CEP112: variants seen among roughly 807,000 people sequenced by gnomAD.
CEP112 encodes the protein centrosomal protein of 112 kDa.
A neutral mutation model predicts 153.0 loss-of-function variants in CEP112; 127 were observed. That is an observed-to-expected ratio of 0.83 (90% CI 0.72 to 0.96). The LOEUF is 0.96. CEP112 is among the 40% of genes least tolerant of loss of function. The pLI, the probability that CEP112 is intolerant of heterozygous loss-of-function variation, is 0.00. For synonymous variants in CEP112, 358 were observed against 374.4 expected (o/e 0.96, Z 0.51); for missense variants, 1,089 against 1,101.2 (o/e 0.99, Z 0.16).
intron 6 of CEP112, among the ~76,000 whole-genome samples, chr17:66,107,191 T>A (rs763421703): frequency 2.0e-5 from 3 of 152,082 alleles, no homozygotes; most frequent in African/African-American, 7.2e-5. Flanking sequence ...CATATCTATA[T>A]TGAACAGGAA....
intron 4 of CEP112, among the ~76,000 whole-genome samples, chr17:66,139,930 A>G (rs1458736314): frequency 2.6e-5 from 4 of 152,160 alleles, no homozygotes; most frequent in Admixed American, 1.3e-4. Context: ...TTCATTTTAC[A>G]AAGCCAGCAT....
At chr17:65,867,024 G>A (rs755769707) in intron 20 of CEP112, among the ~76,000 whole-genome samples, 14 of 151,972 alleles carry the variant, frequency 9.2e-5, no homozygotes, top group Non-Finnish European at 1.9e-4. Context: ...AAGAGCTGCA[G>A]CCCTTCAGGG....
At chr17:66,164,895 T>A (rs1296887799) in intron 4 of CEP112, among the ~76,000 whole-genome samples, 1 of 129,744 alleles carries the variant, frequency 7.7e-6, no homozygotes, top group Non-Finnish European at 1.8e-5. Flanking sequence ...TATGTGTGTG[T>A]GTGTGTGTGT....
chr17:66,165,366 C>T (rs781098345), intron 4 of CEP112, among the ~76,000 whole-genome samples: 58 of 152,188 alleles, frequency 3.8e-4, no homozygotes, highest in Non-Finnish European at 8.1e-4. Context: ...TGGACAGTGC[C>T]GCCTATAGAA....
chr17:65,744,467 G>A (rs562065826), intron 22 of CEP112, among the ~76,000 whole-genome samples: 4 of 151,734 alleles, frequency 2.6e-5, no homozygotes, highest in Non-Finnish European at 2.9e-5. Context: ...GACTGGTCTC[G>A]AATTCCTGAC....
At chr17:66,164,578 G>A (rs2071854626) in intron 4 of CEP112, among the ~76,000 whole-genome samples, 1 of 121,260 alleles carries the variant, frequency 8.2e-6, no homozygotes, top group Non-Finnish European at 1.7e-5. Flanking sequence ...AAAAAAAATG[G>A]CCAGCATGGT....
chr17:65,731,594 A>G (rs2050510987), intron 23 of CEP112, among the ~76,000 whole-genome samples: 1 of 152,194 alleles, frequency 6.6e-6, no homozygotes, highest in South Asian at 2.1e-4. Flanking sequence ...ACTTGCTTTC[A>G]CGGAAGATTT....
chr17:66,086,380 C>CTTTTT (rs71160531), intron 8 of CEP112, among the ~76,000 whole-genome samples: 3 of 67,026 alleles, frequency 4.5e-5, no homozygotes, highest in African/African-American at 1.9e-4. Flanking sequence ...ATTTTCTTTT[C>CTTTTT]TTTTTTTTTT....
At chr17:65,864,337 T>G (rs1348406002) in intron 20 of CEP112, among the ~76,000 whole-genome samples, 1 of 152,150 alleles carries the variant, frequency 6.6e-6, no homozygotes, top group African/African-American at 2.4e-5. Flanking sequence ...GCTGTAGCCT[T>G]GTTTATACCC....
chr17:66,094,878 GC>G (rs1296670003), intron 8 of CEP112, among the ~76,000 whole-genome samples: 1 of 152,094 alleles, frequency 6.6e-6, no homozygotes, highest in Non-Finnish European at 1.5e-5. Flanking sequence ...CACGCAAATA[GC>G]CACCAGATAT....
intron 23 of CEP112, among the ~76,000 whole-genome samples, chr17:65,703,370 G>A (rs2048735992): frequency 6.6e-6 from 1 of 151,948 alleles, no homozygotes; most frequent in Non-Finnish European, 1.5e-5. Context: ...AATTAGCCAG[G>A]CATGGTTGCA....
intron 21 of CEP112, among the ~76,000 whole-genome samples, chr17:65,794,506 T>A (rs1163107922): frequency 6.6e-6 from 1 of 152,178 alleles, no homozygotes; most frequent in Non-Finnish European, 1.5e-5. Flanking sequence ...TTACTGAAAT[T>A]GGTTTACTGA....
intron 21 of CEP112, among the ~76,000 whole-genome samples, chr17:65,803,805 C>A (rs987313021): frequency 2.0e-5 from 3 of 152,146 alleles, no homozygotes; most frequent in African/African-American, 7.2e-5. Context: ...AAATGTCTTA[C>A]TGTGTTTTTG....
chr17:65,636,054 G>A, intron 26 of CEP112, 80 bp from the exon 27 acceptor site: 2 of 1,384,176 alleles, frequency 1.4e-6, no homozygotes, highest in Non-Finnish European at 2.0e-6. Context: ...CAATTCTGGA[G>A]AAGTTGATAG....
At chr17:65,680,366 C>T (rs1437002714) in intron 24 of CEP112, among the ~76,000 whole-genome samples, 1 of 152,154 alleles carries the variant, frequency 6.6e-6, no homozygotes, top group Admixed American at 6.5e-5. Context: ...AGGCCCAATA[C>T]CAAGGGCCTG....
At chr17:66,122,821 A>AGCT (rs2069663268) in intron 6 of CEP112, among the ~76,000 whole-genome samples, 1 of 152,138 alleles carries the variant, frequency 6.6e-6, no homozygotes, top group East Asian at 1.9e-4. Flanking sequence ...GACTCTTCTT[A>AGCT]GCTGTCTCTG....
At chr17:65,727,804 A>T (rs1451687240) in intron 23 of CEP112, among the ~76,000 whole-genome samples, 3 of 152,186 alleles carry the variant, frequency 2.0e-5, no homozygotes, top group African/African-American at 7.2e-5. Context: ...TCTGGGAATC[A>T]TCTCTATAGA....
intron 6 of CEP112, among the ~76,000 whole-genome samples, chr17:66,103,607 C>T (rs1191236832): frequency 1.3e-5 from 2 of 152,076 alleles, no homozygotes; most frequent in African/African-American, 2.4e-5. Flanking sequence ...CAATTTTCCC[C>T]GCAGCATGAA....
At chr17:66,072,066 C>T (rs1210968132) in intron 8 of CEP112, among the ~76,000 whole-genome samples, 1 of 152,064 alleles carries the variant, frequency 6.6e-6, no homozygotes, top group African/African-American at 2.4e-5. Flanking sequence ...TGCCCTTTAC[C>T]CAGATTTACC....
Sources: allele counts gnomAD v4.1 joint callset (sites outside exome capture counted in the v4.1 genomes callset), GRCh38; gene constraint gnomAD v4.1.1; transcripts MANE v1.5; gene names NCBI Gene and HGNC (gene_info 2026-07-23, HGNC 2026-07-21).